Variants in B4GALNT3 observed in about 807,000 individuals in gnomAD.
B4GALNT3 encodes the protein beta-1,4-N-acetylgalactosaminyltransferase 3.
Under a neutral mutation model 120.2 loss-of-function variants are expected in B4GALNT3, and 86 were observed. The observed-to-expected ratio is 0.72, with a 90% CI of 0.60 to 0.86. The LOEUF is 0.86. Among genes scored for constraint, B4GALNT3 ranks in the 40% least tolerant of loss-of-function variants. The probability of loss-of-function intolerance (pLI) is 0.00; values close to 1 mark genes in which losing one functional copy is unlikely to be tolerated. For missense variants in B4GALNT3, 1,167 were observed against 1,298.9 expected (o/e 0.90, Z 1.56); for synonymous variants, 518 against 510.4 (o/e 1.01, Z -0.20).
rs1179075081 is a variant in B4GALNT3 at position 553,660 on chromosome 12, G to C, written c.1737G>C (p.Arg579=). The change falls in exon 14 of 20, where the codon CGG becomes CGC. Residue 579 remains arginine, a synonymous_variant. Coordinates refer to ENST00000266383, the MANE Select transcript of B4GALNT3 (RefSeq NM_173593.4). ...AGCAGAGACGGGGTGACAGGATGCG[G>C]CCTCAGGCCCCTGGAAGGGGCTGGC... The part of the protein sequence containing the change: ...IAEQRRGDRM[R]PQAPGRGWHG... The C allele has an allele frequency of 6.2e-7, 1 of 1,614,046 alleles. No homozygotes were observed. The highest frequency in any genetic ancestry group is 2.2e-5 in the East Asian group (1 of 44,890).
chr12:530,982 A>G (rs1217708471), intron 1 of B4GALNT3, among the ~76,000 whole-genome samples: 1 of 152,136 alleles, frequency 6.6e-6, no homozygotes, highest in Non-Finnish European at 1.5e-5. Context: ...TGTAGCAGAA[A>G]CAGGCCCTGG....
In B4GALNT3 at chr12:460,108, G is replaced by A. The variant is rs1022753623; in HGVS notation, c.-269G>A. ...GAGCCTGCGACGGGAGAGGCGTGGG[G>A]AGGAGAGCCCGGCGCGGAACACACG... On this transcript the variant is annotated 5_prime_UTR_variant, in exon 1 of 20. Transcript: ENST00000266383. This position sits in a 1 kb window ranked among gnomAD's most constrained non-coding sequence, Gnocchi z 8.0. Among the ~76,000 whole-genome samples, 2 of 151,154 alleles carry A rather than the reference G, an allele frequency of 1.3e-5. No homozygotes were observed. The highest frequency in any genetic ancestry group is 2.1e-4 in the South Asian group (1 of 4,836).
rs138734546 is a variant in B4GALNT3 at position 495,701 on chromosome 12, G to T, written c.169+35156G>T. ...GGGAAGGCACAAAGACACTGGATGG[G>T]TTAATGGTAGCCCTGACTCTGCTGG... On this transcript the variant is annotated intron_variant, in intron 1 of 19. Coordinates refer to ENST00000266383, the MANE Select transcript of B4GALNT3 (RefSeq NM_173593.4). 2.1e-3 allele frequency among the ~76,000 whole-genome samples: 316 copies of T among 152,266 alleles called. 1 individual carries two copies. Among genetic ancestry groups the T allele is most frequent in the African/African-American group, 7.0e-3 (292 of 41,546 alleles).
intron 1 of B4GALNT3, among the ~76,000 whole-genome samples, chr12:491,388 G>C (rs2120506601): frequency 6.7e-6 from 1 of 150,058 alleles, no homozygotes; most frequent in Non-Finnish European, 1.5e-5. Context: ...GGAGTGCAGT[G>C]GTGCAATCTT....
chr12:526,773 T>C (rs903891385), intron 1 of B4GALNT3, among the ~76,000 whole-genome samples: 1 of 152,178 alleles, frequency 6.6e-6, no homozygotes, highest in Non-Finnish European at 1.5e-5. Flanking sequence ...CTGATCAAAT[T>C]CGTGGCTTGG....
intron 1 of B4GALNT3, among the ~76,000 whole-genome samples, chr12:481,378 G>A (rs1260832876): frequency 2.6e-5 from 4 of 152,216 alleles, no homozygotes; most frequent in Non-Finnish European, 5.9e-5. Context: ...TGTGCCTTAG[G>A]ATATGACGGG....
At chr12:556,915 C>T in intron 15 of B4GALNT3, 49 bp downstream of exon 15, 3 of 1,543,574 alleles carry the variant, frequency 1.9e-6, no homozygotes, top group Middle Eastern at 3.7e-4. Context: ...GGTCCTCACA[C>T]TGTCAGGAGC....
intron 1 of B4GALNT3, among the ~76,000 whole-genome samples, chr12:533,323 T>G (rs920107794): frequency 6.6e-6 from 1 of 152,230 alleles, no homozygotes; most frequent in East Asian, 1.9e-4. Context: ...ATCACTTCAG[T>G]GGCCCCAGCA....
At position 548,103 on chromosome 12, in the gene B4GALNT3, G is replaced by A; in HGVS notation, c.786+1G>A. On this transcript the variant is annotated splice_donor_variant, in intron 8 of 19. Coordinates refer to ENST00000266383, the MANE Select transcript of B4GALNT3 (RefSeq NM_173593.4). LOFTEE classifies it high-confidence loss of function. The surrounding 1 kb of genome is among the most constrained non-coding windows in gnomAD (Gnocchi z 4.9). ...GGGCACCGACCACGTGGAAGTTGCAGTGAGTTTCCTGCTGCTCCCGCCTCT... is the reference window on the plus strand; with the variant it reads ...GGGCACCGACCACGTGGAAGTTGCAATGAGTTTCCTGCTGCTCCCGCCTCT... 1 of 1,613,754 alleles carries A rather than the reference G, an allele frequency of 6.2e-7. No homozygotes were observed. Among genetic ancestry groups the A allele is most frequent in the East Asian group, 2.2e-5 (1 of 44,876 alleles).
intron 1 of B4GALNT3, among the ~76,000 whole-genome samples, chr12:463,735 T>C (rs981947190): frequency 3.3e-5 from 5 of 152,196 alleles, no homozygotes; most frequent in African/African-American, 1.2e-4. Context: ...TGGTAAGATT[T>C]TGGTGGATAC....
intron 1 of B4GALNT3, among the ~76,000 whole-genome samples, chr12:514,327 A>G (rs1018539410): frequency 6.6e-6 from 1 of 151,196 alleles, no homozygotes; most frequent in Non-Finnish European, 1.5e-5. Context: ...CCTCCCAAGT[A>G]GCTGGGACTA....
chr12:529,624 A>G (rs928492761), intron 1 of B4GALNT3, among the ~76,000 whole-genome samples: 2 of 152,256 alleles, frequency 1.3e-5, no homozygotes, highest in Non-Finnish European at 2.9e-5. Flanking sequence ...ATTATCTGCA[A>G]TTTTACTCAG....
At chr12:500,865 C>CTTGTTTTTTTTTTTTTTTTTTT (rs1946433223) in intron 1 of B4GALNT3, among the ~76,000 whole-genome samples, 1 of 61,830 alleles carries the variant, frequency 1.6e-5, no homozygotes, top group African/African-American at 7.5e-5. Flanking sequence ...GGCTCCACTG[C>CTTGTTTTTTTTTTTTTTTTTTT]TTTTTTTTTT....
chr12:507,238 T>C (rs1946506628), intron 1 of B4GALNT3, among the ~76,000 whole-genome samples: 1 of 152,218 alleles, frequency 6.6e-6, no homozygotes. Context: ...TTTTTGATAG[T>C]GTCACTTTTG....
intron 1 of B4GALNT3, among the ~76,000 whole-genome samples, chr12:465,501 G>A (rs932350152): frequency 7.6e-5 from 11 of 144,876 alleles, no homozygotes; most frequent in South Asian, 2.4e-4. Flanking sequence ...GAAGATAAGC[G>A]ATAAGACATC....
At chr12:519,053 G>T (rs1463626001) in intron 1 of B4GALNT3, among the ~76,000 whole-genome samples, 1 of 152,134 alleles carries the variant, frequency 6.6e-6, no homozygotes, top group Non-Finnish European at 1.5e-5. Context: ...CTAATAAACT[G>T]ATCCAAGAAG....
chr12:545,067 AACTT>A lies in B4GALNT3; in HGVS notation c.538+96_538+99del, dbSNP rs1469917401. On this transcript the variant is annotated intron_variant, in intron 5 of 19. Transcript: ENST00000266383. ...GATAAGGTTATAGGTAGACTGGACT[AACTT>A]CCTGTTAGTCCACCCTCAGGAAGAG... 9 of 1,510,058 alleles carry A rather than the reference AACTT, an allele frequency of 6.0e-6. No individual in the cohort carries two copies. In the Admixed American group the frequency reaches 1.5e-4, roughly 26 times the overall value. The allele number at this position is 1,510,058 out of a possible 1,614,324, so 93.5% of individuals were successfully genotyped here.
chr12:505,179 AC>A (rs1434310445), intron 1 of B4GALNT3, among the ~76,000 whole-genome samples: 2 of 152,172 alleles, frequency 1.3e-5, no homozygotes, highest in African/African-American at 4.8e-5. Context: ...GGCGTGAACC[AC>A]CACGCCTGGC....
chr12:554,767 G>A (rs1366360595), intron 14 of B4GALNT3, among the ~76,000 whole-genome samples: 1 of 118,336 alleles, frequency 8.5e-6, no homozygotes, highest in African/African-American at 3.6e-5. Context: ...TCCAGCCTGG[G>A]CGACAGAGCA....
Sources: gnomAD v4.1 joint callset for allele counts (sites outside exome capture counted in the v4.1 genomes callset) on GRCh38, gnomAD v4.1.1 for gene constraint, Gnocchi (gnomAD v3.1) non-coding constraint, MANE v1.5 for transcripts, NCBI Gene and HGNC (gene_info 2026-07-23, HGNC 2026-07-21) for gene names.